Variants in ARSK observed in about 807,000 individuals in gnomAD.
The protein encoded by ARSK is arylsulfatase K.
A neutral mutation model predicts 53.2 loss-of-function variants in ARSK; 37 were observed. The observed-to-expected ratio is 0.70, with a 90% CI of 0.54 to 0.92. The LOEUF is 0.92. Among genes scored for constraint, ARSK ranks in the 40% least tolerant of loss-of-function variants. The pLI, the probability that ARSK is intolerant of heterozygous loss-of-function variation, is 0.00. For synonymous variants in ARSK, 208 were observed against 223.2 expected (o/e 0.93, Z 0.61); for missense variants, 613 against 643.0 (o/e 0.95, Z 0.51).
At chr5:95,591,813 T>C (rs1749222471) in intron 6 of ARSK, among the ~76,000 whole-genome samples, 188 bp downstream of exon 6, 1 of 152,198 alleles carries the variant, frequency 6.6e-6, no homozygotes, top group Non-Finnish European at 1.5e-5. Context: ...TTCATGTCCC[T>C]GTGGCCTTCA....
At chr5:95,582,297 G>A (rs1296186286) in intron 3 of ARSK, among the ~76,000 whole-genome samples, 8 of 152,108 alleles carry the variant, frequency 5.3e-5, no homozygotes, top group Non-Finnish European at 1.5e-5. Context: ...AATTGAGAAA[G>A]TGAATTAACT....
In ARSK at chr5:95,605,017, G is replaced by C. The variant is rs933275559; in HGVS notation, c.*1491G>C. On this transcript the variant is annotated 3_prime_UTR_variant, in exon 8 of 8. Transcript: ENST00000380009. Reference sequence around the variant, plus strand: ...ATTTATGAATCTTTGTACACCATAAGTATATACAATTATGATTTGTCAATT... The same window carrying C: ...ATTTATGAATCTTTGTACACCATAACTATATACAATTATGATTTGTCAATT... 2.0e-5 allele frequency: 3 copies of C among 152,198 alleles called. No homozygotes were observed. The highest frequency in any genetic ancestry group is 7.2e-5 in the African/African-American group (3 of 41,454). 9.4% of individuals were successfully genotyped at this position (152,198 alleles called of 1,614,324 possible).
intron 5 of ARSK, among the ~76,000 whole-genome samples, chr5:95,589,472 C>G (rs952889633): frequency 6.6e-5 from 10 of 152,178 alleles, no homozygotes; most frequent in Admixed American, 4.6e-4. Flanking sequence ...TGTTCCCCTC[C>G]CCGTGTTCAT....
intron 6 of ARSK, among the ~76,000 whole-genome samples, chr5:95,598,885 C>T (rs1163126695): frequency 6.6e-6 from 1 of 152,208 alleles, no homozygotes; most frequent in Non-Finnish European, 1.5e-5. Flanking sequence ...CCCCAGATAA[C>T]TGTAGGGCTC....
chr5:95,566,433 T>C (rs73777226), intron 2 of ARSK, among the ~76,000 whole-genome samples: 27,799 of 152,138 alleles, frequency 0.18, 3,661 homozygotes, highest in African/African-American at 0.37. Flanking sequence ...TCATATTTCC[T>C]AGAAGAGTTC....
Position 95,586,631 on chromosome 5 carries a change from T to C in ARSK, c.769T>C (p.Ser257Pro), listed in dbSNP as rs1749116916. ...AGAAATGCACCCTGTAGATTATTAC[T>C]CTTCTTATACAAAAAACTGCACTGG... ...LSEMHPVDYY[S>P]SYTKNCTGRF... The change falls in exon 5 of 8, where the codon TCT becomes CCT. Residue 257 changes from serine (S) to proline (P), a missense_variant. Physicochemically the swap from Ser to Pro is moderately conservative, Grantham distance 74. Transcript: ENST00000380009. 1.2e-6 allele frequency: 2 copies of C among 1,612,044 alleles called. No individual in the cohort carries two copies. Among genetic ancestry groups the C allele is most frequent in the South Asian group, 1.1e-5 (1 of 90,730 alleles).
chr5:95,578,096 G>T (rs1748956151), intron 3 of ARSK, among the ~76,000 whole-genome samples: 1 of 152,084 alleles, frequency 6.6e-6, no homozygotes, highest in African/African-American at 2.4e-5. Context: ...AAAGAAGATG[G>T]ATGACAGCCT....
chr5:95,564,520 CT>C (rs947539386), intron 1 of ARSK, among the ~76,000 whole-genome samples: 3 of 152,198 alleles, frequency 2.0e-5, no homozygotes, highest in African/African-American at 7.2e-5. Context: ...CTCAGAAGAG[CT>C]TTTCTTTTTT....
rs1011426415 is a variant in ARSK, at chr5:95,570,802, G to A, written c.416+2753G>A. Among the ~76,000 whole-genome samples the A allele has an allele frequency of 1.1e-4, 16 of 143,978 alleles. 1 individual carries two copies. Among genetic ancestry groups the A allele is most frequent in the African/African-American group, 3.4e-4 (13 of 38,120 alleles). The allele number at this position is 143,978 out of a possible 152,430, so 94.5% of individuals were successfully genotyped here. A position where few individuals can be genotyped will look rare whatever the true frequency, so the allele number is the denominator to read the frequency against. On this transcript the variant is annotated intron_variant, in intron 3 of 7. Transcript: ENST00000380009. ...AACCATCTTTTTTTTTTTTTTTTGA[G>A]ACACAGTCTCGCTCTGTCACCCAGG...
intron 1 of ARSK, among the ~76,000 whole-genome samples, chr5:95,558,419 A>G (rs910095421): frequency 3.1e-4 from 47 of 152,234 alleles, no homozygotes; most frequent in African/African-American, 1.1e-3. Flanking sequence ...GAGAAAATCA[A>G]TGAGACCAAA....
rs118036195 is a variant in ARSK at position 95,603,580 on chromosome 5, C to A, written c.*54C>A. On this transcript the variant is annotated 3_prime_UTR_variant, in exon 8 of 8. Coordinates refer to ENST00000380009, the MANE Select transcript of ARSK (RefSeq NM_198150.3). ...GATACATATAAATATATTACAAGAT[C>A]ATAATTATGTATTTTAAATGAAACA... is the stretch of plus-strand genomic sequence containing the variant. The A allele has an allele frequency of 7.2e-6, 10 of 1,384,194 alleles. No individual in the cohort carries two copies. The South Asian group carries it at 1.7e-4, about 23-fold the overall frequency. 85.7% of individuals were successfully genotyped at this position (1,384,194 alleles called of 1,614,324 possible).
chr5:95,579,408 A>T (rs1177324064), intron 3 of ARSK, among the ~76,000 whole-genome samples: 1 of 152,238 alleles, frequency 6.6e-6, no homozygotes, highest in Non-Finnish European at 1.5e-5. Context: ...GGCAGCAGGC[A>T]AAAGAGAATG....
chr5:95,556,516 T>C (rs1332144064), intron 1 of ARSK: 2 of 387,046 alleles, frequency 5.2e-6, no homozygotes, highest in African/African-American at 4.1e-5. Flanking sequence ...TGGCCACTGG[T>C]TGTGGGCTGC....
chr5:95,566,124 G>A lies in ARSK; in HGVS notation c.253G>A (p.Ala85Thr), dbSNP rs374366998. The change falls in exon 2 of 8, where the codon GCA becomes ACA. Residue 85 changes from alanine (A) to threonine (T), a missense_variant. Transcript: ENST00000380009. ...TNSPICCPSR[A>T]AMWSGLFTHL... ...CTCTCCAATTTGTTGCCCATCACGC[G>A]CAGGTATGAACATCCTTAATATGAA... 33 of 1,613,026 alleles carry A rather than the reference G, an allele frequency of 2.0e-5. No homozygotes were observed. Among genetic ancestry groups the A allele is most frequent in the Non-Finnish European group, 2.5e-5 (29 of 1,179,742 alleles).
chr5:95,584,193 G>A (rs1342191335), intron 4 of ARSK, among the ~76,000 whole-genome samples: 2 of 152,050 alleles, frequency 1.3e-5, no homozygotes, highest in East Asian at 1.9e-4. Flanking sequence ...TTTATCACTA[G>A]GATACAAGTA....
rs142172794 is a variant in ARSK at position 95,580,967 on chromosome 5, C to G, written c.417-1949C>G. The G allele has an allele frequency of 5.6e-6, 7 of 1,254,096 alleles. No individual in the cohort carries two copies. The African/African-American group carries it at 7.7e-5, about 14-fold the overall frequency. 77.7% of individuals were successfully genotyped at this position (1,254,096 alleles called of 1,614,324 possible). ...GGTAAAAATACCTTTTGCCTTTAAC[C>G]ATAATCTTGTCTCTGCTGCCTTAAC... On this transcript the variant is annotated intron_variant, in intron 3 of 7. Transcript: ENST00000380009.
At chr5:95,595,709 T>G (rs543788117) in intron 6 of ARSK, among the ~76,000 whole-genome samples, 115 of 152,230 alleles carry the variant, frequency 7.6e-4, no homozygotes, top group South Asian at 6.4e-3. Context: ...GGCCAGAGGT[T>G]GATAAACTGT....
chr5:95,566,190 T>C, intron 2 of ARSK, 63 bp downstream of exon 2: 1 of 1,557,264 alleles, frequency 6.4e-7, no homozygotes, highest in Non-Finnish European at 8.7e-7. Context: ...ATTCACAGTT[T>C]AAAAGATTAT....
At chr5:95,596,792 C>T (rs1749315676) in intron 6 of ARSK, among the ~76,000 whole-genome samples, 2 of 151,860 alleles carry the variant, frequency 1.3e-5, no homozygotes, top group African/African-American at 4.8e-5. Flanking sequence ...ATTTAAGATG[C>T]AACAATACTT....
Sources: gnomAD v4.1 joint callset for allele counts (sites outside exome capture counted in the v4.1 genomes callset) on GRCh38, gnomAD v4.1.1 for gene constraint, MANE v1.5 for transcripts, NCBI Gene and HGNC (gene_info 2026-07-23, HGNC 2026-07-21) for gene names.